The following BAHD1 variants were observed in gnomAD, a reference collection of about 807,000 sequenced individuals.
BAHD1 encodes the protein bromo adjacent homology domain containing 1.
Under a neutral mutation model 63.1 loss-of-function variants are expected in BAHD1, and 20 were observed. That is an observed-to-expected ratio of 0.32 (90% CI 0.22 to 0.46). The LOEUF is 0.46. Among genes scored for constraint, BAHD1 ranks in the 20% least tolerant of loss-of-function variants. The probability of loss-of-function intolerance (pLI) is 1.00; values close to 1 mark genes in which losing one functional copy is unlikely to be tolerated. For synonymous variants in BAHD1, 408 were observed against 426.8 expected (o/e 0.96, Z 0.54); for missense variants, 939 against 1,071.8 (o/e 0.88, Z 1.73).
At chr15:40,456,064 C>T (rs1333393331) in intron 1 of BAHD1, among the ~76,000 whole-genome samples, 1 of 152,232 alleles carries the variant, frequency 6.6e-6, no homozygotes, top group Non-Finnish European at 1.5e-5. Context: ...CCTCCACCTC[C>T]TGGGTTCAAG....
upstream of BAHD1, among the ~76,000 whole-genome samples, chr15:40,440,741 C>A (rs1221380250): frequency 6.6e-6 from 1 of 152,156 alleles, no homozygotes; most frequent in Non-Finnish European, 1.5e-5. Context: ...CGCACCGCCT[C>A]CCCCGGCCGC....
Position 40,458,850 on chromosome 15 carries a change from A to T in BAHD1, c.386A>T (p.Asn129Ile). The T allele has an allele frequency of 6.2e-7, 1 of 1,610,012 alleles. No homozygotes were observed. The highest frequency in any genetic ancestry group is 1.1e-5 in the South Asian group (1 of 90,738). Residue 129 changes from asparagine (N) to isoleucine (I), a missense_variant, in exon 2 of 7, where the codon AAC becomes ATC. Physicochemically the swap from Asn to Ile is moderately radical, Grantham distance 149 (BLOSUM62 -3). Transcript: ENST00000416165. The surrounding 1 kb of genome is among the most constrained non-coding windows in gnomAD (Gnocchi z 4.7). The stretch of plus-strand genomic sequence containing the variant: ...TCCCTCAATGCTGAAGCTCTCAATA[A>T]CCTGCTGCTGGAGCGAGAGGACACC... ...LASLNAEALN[N>I]LLLEREDTSS... is the part of the protein sequence containing the mutation.
chr15:40,437,729 G>A (rs1365020224), upstream of BAHD1, among the ~76,000 whole-genome samples: 3 of 152,242 alleles, frequency 2.0e-5, no homozygotes, highest in African/African-American at 4.8e-5. Flanking sequence ...CTGCACTGCC[G>A]TTGGGGTGCC....
chr15:40,444,449 C>A (rs563852772), intron 1 of BAHD1, among the ~76,000 whole-genome samples: 4 of 152,144 alleles, frequency 2.6e-5, no homozygotes, highest in Admixed American at 6.5e-5. Context: ...CCTACCTCAC[C>A]GGACCACCAT....
In BAHD1 at chr15:40,464,542, C is replaced by A; in HGVS notation, c.2047C>A (p.His683Asn). 6.2e-7 allele frequency: 1 copy of A among 1,612,836 alleles called. No individual in the cohort carries two copies. The highest frequency in any genetic ancestry group is 8.5e-7 in the Non-Finnish European group (1 of 1,179,436). The stretch of plus-strand genomic sequence containing the variant: ...ACAGGGAGGCCGCAGTCCCAGCATG[C>A]ACGAGGTGAGCTGCCTGGCAGATGG... The part of the protein sequence containing the change: ...HLQGGRSPSM[H>N]EPLQNEVFAS... Residue 683 changes from histidine to asparagine, a missense_variant, in exon 5 of 7, where the codon CAC (histidine) becomes AAC (asparagine). Coordinates refer to ENST00000416165, the MANE Select transcript of BAHD1 (RefSeq NM_014952.5).
chr15:40,445,523 G>T (rs1431179262), intron 1 of BAHD1, among the ~76,000 whole-genome samples: 1 of 152,110 alleles, frequency 6.6e-6, no homozygotes, highest in African/African-American at 2.4e-5. Flanking sequence ...GCAACATCTG[G>T]CCTCAGCACC....
intron 1 of BAHD1, among the ~76,000 whole-genome samples, chr15:40,456,930 C>T (rs1298779960): frequency 6.6e-6 from 1 of 152,170 alleles, no homozygotes; most frequent in Non-Finnish European, 1.5e-5. Context: ...AGTCTCTGAC[C>T]ACCGCCCTCT....
In BAHD1 at chr15:40,459,865, C is replaced by T. The variant is rs1383314325; in HGVS notation, c.1401C>T (p.Gly467=). ...TTACCCACGCTGGCACTACCTGTGG[C>T]GGCTGCCCATACAAAATGCCTTTTG... ...LSVTHAGTTC[G]GCPYKMPFAA... is the part of the protein sequence containing the mutation. The change falls in exon 2 of 7, where the codon GGC becomes GGT. Residue 467 remains glycine (G), a synonymous_variant. Coordinates refer to ENST00000416165, the MANE Select transcript of BAHD1 (RefSeq NM_014952.5). 5.6e-6 allele frequency: 9 copies of T among 1,597,460 alleles called. No homozygotes were observed. Among genetic ancestry groups the T allele is most frequent in the East Asian group, 2.2e-5 (1 of 44,622 alleles).
Position 40,466,169 on chromosome 15 carries a change from G to T in BAHD1, c.*39G>T, listed in dbSNP as rs776725029. On this transcript the variant is annotated 3_prime_UTR_variant, in exon 7 of 7. Coordinates refer to ENST00000416165, the MANE Select transcript of BAHD1 (RefSeq NM_014952.5). ...ATGCTGGGGCTACCCATGGGCAAGT[G>T]GGGCTCGGGGTAGGGGGCACTGCTT... The T allele has an allele frequency of 1.3e-6, 2 of 1,592,972 alleles. No individual in the cohort carries two copies. The highest frequency in any genetic ancestry group is 3.4e-5 in the Admixed American group (2 of 58,414).
chr15:40,464,331 G>A, intron 4 of BAHD1, 140 bp from the exon 5 acceptor site: 1 of 743,220 alleles, frequency 1.3e-6, no homozygotes, highest in Non-Finnish European at 2.3e-6. Context: ...TGAATGCTTG[G>A]CCTGGGGCAG....
intron 1 of BAHD1, among the ~76,000 whole-genome samples, chr15:40,447,600 AAATAAATAAAT>A (rs1412456120): frequency 3.3e-5 from 5 of 150,238 alleles, no homozygotes; most frequent in African/African-American, 1.2e-4. Context: ...ATAAATAAAT[AAATAAATAAAT>A]AAAAATAAAA....
chr15:40,447,169 C>A (rs572863096), intron 1 of BAHD1, among the ~76,000 whole-genome samples: 1 of 152,184 alleles, frequency 6.6e-6, no homozygotes, highest in Non-Finnish European at 1.5e-5. Context: ...AGTCACGTTT[C>A]CACCATAGTC....
rs970609786 is a variant in BAHD1 at position 40,441,081 on chromosome 15, C to A, written c.-202C>A. 1 of 146,510 alleles carries A rather than the reference C, an allele frequency of 6.8e-6. No homozygotes were observed. The highest frequency in any genetic ancestry group is 1.5e-5 in the Non-Finnish European group (1 of 65,754). The allele number at this position is 146,510 out of a possible 1,614,324, so 9.1% of individuals were successfully genotyped here. A position where few individuals can be genotyped will look rare whatever the true frequency, so the allele number is the denominator to read the frequency against. ...CCCGCCCCGGCCAGGCGCGCCCGCC[C>A]CCCCCGACGGCCCCGCCCGGCCGCG... On this transcript the variant is annotated 5_prime_UTR_variant, in exon 1 of 7. Transcript: ENST00000416165.
chr15:40,438,193 G>GT (rs3840837), upstream of BAHD1, among the ~76,000 whole-genome samples: 65,440 of 152,024 alleles, frequency 0.43, 14,936 homozygotes, highest in East Asian at 0.79. Flanking sequence ...CTCAGGAAAG[G>GT]TTACAGGACC....
chr15:40,442,114 G>A (rs1245797697), intron 1 of BAHD1, among the ~76,000 whole-genome samples: 1 of 152,190 alleles, frequency 6.6e-6, no homozygotes, highest in Non-Finnish European at 1.5e-5. Flanking sequence ...TGCCCTGCTC[G>A]CTCCGCCGCC....
chr15:40,442,854 A>C (rs1893441667), intron 1 of BAHD1, among the ~76,000 whole-genome samples: 1 of 152,196 alleles, frequency 6.6e-6, no homozygotes, highest in Non-Finnish European at 1.5e-5. Flanking sequence ...TTCCACAAAA[A>C]AAAAGAAAAA....
chr15:40,459,270 C>T lies in BAHD1; in HGVS notation c.806C>T (p.Ala269Val). The T allele has an allele frequency of 6.2e-7, 1 of 1,612,816 alleles. No individual in the cohort carries two copies. Among genetic ancestry groups the T allele is most frequent in the Non-Finnish European group, 8.5e-7 (1 of 1,179,918 alleles). Residue 269 changes from alanine (A) to valine (V), a missense_variant, in exon 2 of 7, where the codon GCT (alanine) becomes GTT (valine). Physicochemically the swap from Ala to Val is moderately conservative, Grantham distance 64. Coordinates refer to ENST00000416165, the MANE Select transcript of BAHD1 (RefSeq NM_014952.5). ...TGGCAGGGGGCCAGCTCTGGGGAGG[C>T]TGCAGGCCCACCTGGCTGGCAAGGC... ...KAWQGASSGE[A>V]AGPPGWQGCP...
chr15:40,459,475 C>T lies in BAHD1; in HGVS notation c.1011C>T (p.Ala337=), dbSNP rs757308301. Residue 337 remains alanine, a synonymous_variant, in exon 2 of 7, where the codon GCC becomes GCT. Transcript: ENST00000416165. The part of the protein sequence containing the change: ...EPGRPGEESP[A]PKQELHQPSF... ...GGCGCCCAGGCGAGGAGTCACCTGC[C>T]CCTAAGCAGGAACTGCATCAGCCCT... The T allele has an allele frequency of 1.2e-6, 2 of 1,613,958 alleles. No homozygotes were observed. Among genetic ancestry groups the T allele is most frequent in the East Asian group, 2.2e-5 (1 of 44,868 alleles).
chr15:40,464,312 C>G, intron 4 of BAHD1, 159 bp from the exon 5 acceptor site: 1 of 691,976 alleles, frequency 1.4e-6, no homozygotes, highest in Non-Finnish European at 2.5e-6. Flanking sequence ...TAACAGCATT[C>G]CAGGCCTCTG....
Sources: allele counts gnomAD v4.1 joint callset (sites outside exome capture counted in the v4.1 genomes callset), GRCh38; gene constraint gnomAD v4.1.1; non-coding constraint Gnocchi (gnomAD v3.1); transcripts MANE v1.5; gene names NCBI Gene and HGNC (gene_info 2026-07-23, HGNC 2026-07-21).